Variants in RXFP2 observed in about 807,000 individuals in gnomAD.
RXFP2 encodes relaxin receptor 2.
In RXFP2, 68 loss-of-function variants were observed where a neutral mutation model predicts 88.6. The ratio of observed to expected loss-of-function variants is 0.77; its 90% CI spans 0.63 to 0.94. The LOEUF (loss-of-function observed/expected upper bound fraction) is 0.94. RXFP2 is among the 40% of genes least tolerant of loss of function. The probability of loss-of-function intolerance (pLI) is 0.00; values close to 1 mark genes in which losing one functional copy is unlikely to be tolerated. For synonymous variants in RXFP2, 329 were observed against 306.8 expected (o/e 1.07, Z -0.76); for missense variants, 791 against 893.9 (o/e 0.88, Z 1.47).
intron 5 of RXFP2, among the ~76,000 whole-genome samples, chr13:31,774,335 T>C (rs980495977): frequency 3.3e-5 from 5 of 152,170 alleles, no homozygotes; most frequent in African/African-American, 9.7e-5. Context: ...ACGGTCACCA[T>C]AGTGCCAGTT....
chr13:31,772,097 G>T (rs1252777689), intron 5 of RXFP2, among the ~76,000 whole-genome samples: 1 of 152,102 alleles, frequency 6.6e-6, no homozygotes, highest in Non-Finnish European at 1.5e-5. Context: ...CTAAATTGGG[G>T]GTGGATGCAG....
At chr13:31,763,003 T>A (rs1402332293) in intron 3 of RXFP2, among the ~76,000 whole-genome samples, 1 of 151,850 alleles carries the variant, frequency 6.6e-6, no homozygotes, top group African/African-American at 2.4e-5. Context: ...TTCATTAGAA[T>A]TGCAGAGAAT....
At chr13:31,776,823 A>G (rs1873010653) in intron 7 of RXFP2, among the ~76,000 whole-genome samples, 1 of 152,200 alleles carries the variant, frequency 6.6e-6, no homozygotes, top group Non-Finnish European at 1.5e-5. Context: ...AATTTCTTCT[A>G]TAAAATATAG....
rs912965921 is a variant in RXFP2, at chr13:31,786,304, A to G, written c.930-79A>G. The G allele has an allele frequency of 3.9e-5, 39 of 996,128 alleles. No homozygotes were observed. In the African/African-American group the frequency reaches 5.6e-4, roughly 14 times the overall value. The allele number at this position is 996,128 out of a possible 1,614,324, so 61.7% of individuals were successfully genotyped here. ...CATATTTTCTGTTACATCAAATGGG[A>G]TGATGATAATTGTGAGGAGTAATAA... On this transcript the variant is annotated intron_variant, in intron 11 of 17. Transcript: ENST00000298386.
chr13:31,753,658 G>T (rs1235529496), intron 1 of RXFP2, among the ~76,000 whole-genome samples: 2 of 152,126 alleles, frequency 1.3e-5, no homozygotes, highest in Non-Finnish European at 2.9e-5. Flanking sequence ...TACAGCAGGG[G>T]TTCTTAATTT....
intron 1 of RXFP2, among the ~76,000 whole-genome samples, chr13:31,754,390 G>A (rs1296053530): frequency 6.6e-6 from 1 of 152,152 alleles, no homozygotes; most frequent in Admixed American, 6.5e-5. Flanking sequence ...AAATAGCCGG[G>A]CGTGGTGGCG....
At chr13:31,766,563 T>C (rs1872558865) in intron 5 of RXFP2, among the ~76,000 whole-genome samples, 1 of 152,118 alleles carries the variant, frequency 6.6e-6, no homozygotes, top group South Asian at 2.1e-4. Context: ...CCAATATGCT[T>C]CCAGAATCAT....
intron 5 of RXFP2, among the ~76,000 whole-genome samples, chr13:31,767,025 T>C (rs1040724900): frequency 6.6e-6 from 1 of 152,184 alleles, no homozygotes; most frequent in Non-Finnish European, 1.5e-5. Flanking sequence ...CTTATTGTTT[T>C]ATCCTTCAAT....
At chr13:31,777,487 T>A (rs1428234854) in intron 8 of RXFP2, 40 bp downstream of exon 8, 1 of 1,384,222 alleles carries the variant, frequency 7.2e-7, no homozygotes, top group East Asian at 2.3e-5. Context: ...TATCGATACA[T>A]TGCAATGACA....
At chr13:31,801,762 T>C (rs909417779) in intron 17 of RXFP2, among the ~76,000 whole-genome samples, 8 of 152,174 alleles carry the variant, frequency 5.3e-5, no homozygotes, top group African/African-American at 1.9e-4. Flanking sequence ...TCTGGCTTGG[T>C]CCAGGGGACC....
intron 1 of RXFP2, among the ~76,000 whole-genome samples, chr13:31,757,018 A>G (rs563569534): frequency 6.6e-6 from 1 of 152,364 alleles, no homozygotes; most frequent in Non-Finnish European, 1.5e-5. Context: ...AATTGAAAGA[A>G]TATCTCTTAC....
At chr13:31,787,014 T>A (rs1183906380) in intron 13 of RXFP2, among the ~76,000 whole-genome samples, 1 of 152,254 alleles carries the variant, frequency 6.6e-6, no homozygotes, top group Non-Finnish European at 1.5e-5. Context: ...AAGGATCTAC[T>A]TGATATTAGT....
intron 1 of RXFP2, among the ~76,000 whole-genome samples, chr13:31,745,458 C>T (rs759961656): frequency 2.0e-4 from 30 of 152,104 alleles, no homozygotes; most frequent in East Asian, 5.8e-4. Flanking sequence ...CAATCTTGGG[C>T]GATCAGAGTT....
At chr13:31,777,843 A>G (rs1873067932) in intron 8 of RXFP2, among the ~76,000 whole-genome samples, 1 of 152,218 alleles carries the variant, frequency 6.6e-6, no homozygotes, top group African/African-American at 2.4e-5. Context: ...TTGCCCAGCA[A>G]GACTCACTGA....
intron 17 of RXFP2, among the ~76,000 whole-genome samples, chr13:31,797,897 T>G (rs532797570): frequency 3.9e-5 from 6 of 151,900 alleles, no homozygotes; most frequent in Admixed American, 3.9e-4. Flanking sequence ...CCTGAAAGAG[T>G]CTCCTCCAAA....
chr13:31,793,447 C>A (rs1161576103), intron 16 of RXFP2, among the ~76,000 whole-genome samples: 1 of 139,418 alleles, frequency 7.2e-6, no homozygotes, highest in Non-Finnish European at 1.6e-5. Context: ...TTTTTTTTTA[C>A]AATCTAGTTA....
At chr13:31,759,378 A>AAAGAAAGG (rs1872150137) in intron 2 of RXFP2, among the ~76,000 whole-genome samples, 1 of 108,324 alleles carries the variant, frequency 9.2e-6, no homozygotes, top group African/African-American at 3.6e-5. Flanking sequence ...TTGGATTGAG[A>AAAGAAAGG]AAGAAAGAAA....
intron 16 of RXFP2, among the ~76,000 whole-genome samples, chr13:31,796,758 TG>T (rs1325251646): frequency 1.3e-5 from 2 of 152,210 alleles, no homozygotes; most frequent in African/African-American, 4.8e-5. Flanking sequence ...GAAGTGCCCG[TG>T]GAAGAGGCAC....
chr13:31,792,659 T>C lies in RXFP2; in HGVS notation c.1376-19T>C. On this transcript the variant is annotated intron_variant, in intron 15 of 17. Transcript: ENST00000298386. ...GACATTGGAAACTGATGACATACAC[T>C]GTTTCAATTCTTCCACAGGTGCTGA... 6.2e-7 allele frequency: 1 copy of C among 1,612,254 alleles called. No homozygotes were observed. Among genetic ancestry groups the C allele is most frequent in the Non-Finnish European group, 8.5e-7 (1 of 1,178,410 alleles).
Sources: gnomAD v4.1 joint callset for allele counts (sites outside exome capture counted in the v4.1 genomes callset) on GRCh38, gnomAD v4.1.1 for gene constraint, MANE v1.5 for transcripts, NCBI Gene and HGNC (gene_info 2026-07-23, HGNC 2026-07-21) for gene names.